Variants in CHIC2 observed in about 807,000 individuals in gnomAD.
CHIC2 encodes the protein cysteine rich hydrophobic domain 2.
Under a neutral mutation model 25.9 loss-of-function variants are expected in CHIC2, and 14 were observed. The observed-to-expected ratio is 0.54, with a 90% CI of 0.36 to 0.85. The LOEUF is 0.85. Ranked by LOEUF, CHIC2 falls within the 40% of genes least tolerant of loss-of-function variation. CHIC2 has a pLI of 0.01. For synonymous variants in CHIC2, 70 were observed against 72.0 expected (o/e 0.97, Z 0.14); for missense variants, 146 against 202.0 (o/e 0.72, Z 1.68).
chr4:54,043,826 G>C (rs1185914203), intron 3 of CHIC2, among the ~76,000 whole-genome samples: 1 of 152,110 alleles, frequency 6.6e-6, no homozygotes, highest in Non-Finnish European at 1.5e-5. Context: ...ATGTAAATGG[G>C]CTAAATGCTC....
chr4:54,061,034 T>C (rs1322409380), intron 1 of CHIC2: 1 of 152,122 alleles, frequency 6.6e-6, no homozygotes, highest in Non-Finnish European at 1.5e-5. Context: ...AATATTATAC[T>C]TAAACAGAAG....
At chr4:54,048,197 C>A (rs1210381573) in intron 3 of CHIC2, among the ~76,000 whole-genome samples, 1 of 152,150 alleles carries the variant, frequency 6.6e-6, no homozygotes, top group East Asian at 1.9e-4. Context: ...ACCATGTACG[C>A]CAGACTGGTC....
the CHIC2 span, among the ~76,000 whole-genome samples, chr4:54,080,755 CAA>C: frequency 3.1e-4 from 28 of 90,340 alleles, no homozygotes; most frequent in East Asian, 3.7e-4. Flanking sequence ...GACTCTGTCT[CAA>C]AAAAAAAAAA....
chr4:54,044,215 C>A (rs1206195267), intron 3 of CHIC2, among the ~76,000 whole-genome samples: 1 of 152,174 alleles, frequency 6.6e-6, no homozygotes, highest in East Asian at 1.9e-4. Context: ...GACTTTAACA[C>A]CCCACTGTCA....
intron 5 of CHIC2, among the ~76,000 whole-genome samples, chr4:54,012,796 G>A (rs1715633834): frequency 6.6e-6 from 1 of 152,046 alleles, no homozygotes; most frequent in Non-Finnish European, 1.5e-5. Flanking sequence ...TTGGTTCATT[G>A]AATAAAGCTA....
At chr4:54,056,277 A>T (rs928021765) in intron 1 of CHIC2, among the ~76,000 whole-genome samples, 2 of 152,150 alleles carry the variant, frequency 1.3e-5, no homozygotes, top group Non-Finnish European at 2.9e-5. Flanking sequence ...ATCTAACTTA[A>T]CAACTTTTAA....
chr4:54,072,506 G>A, the CHIC2 span, among the ~76,000 whole-genome samples: 7 of 152,088 alleles, frequency 4.6e-5, no homozygotes, highest in South Asian at 4.1e-4. Context: ...TGCATCACAC[G>A]GTACTTCCTT....
At chr4:54,039,826 A>G (rs1363293019) in intron 3 of CHIC2, among the ~76,000 whole-genome samples, 1 of 152,238 alleles carries the variant, frequency 6.6e-6, no homozygotes, top group Non-Finnish European at 1.5e-5. Flanking sequence ...AAACTGTGAT[A>G]CATCCATACA....
At chr4:54,019,778 GTC>G (rs757036144) in intron 3 of CHIC2, among the ~76,000 whole-genome samples, 5 of 151,926 alleles carry the variant, frequency 3.3e-5, no homozygotes, top group Non-Finnish European at 7.4e-5. Context: ...ATCCCACTCG[GTC>G]TCAAAGGGTT....
chr4:54,037,102 C>A (rs1474615029), intron 3 of CHIC2, among the ~76,000 whole-genome samples: 2 of 152,132 alleles, frequency 1.3e-5, no homozygotes, highest in Non-Finnish European at 2.9e-5. Flanking sequence ...CGGAGGCTCA[C>A]ACCTGTAATC....
At chr4:54,041,228 T>A (rs1295781931) in intron 3 of CHIC2, among the ~76,000 whole-genome samples, 2 of 151,830 alleles carry the variant, frequency 1.3e-5, no homozygotes, top group Non-Finnish European at 2.9e-5. Flanking sequence ...GTAAAAGCAC[T>A]GAGCTGCATA....
At chr4:54,059,610 A>AG (rs1468192730) in intron 1 of CHIC2, 2 of 151,982 alleles carry the variant, frequency 1.3e-5, no homozygotes, top group African/African-American at 4.8e-5. Flanking sequence ...CCTTAATTTG[A>AG]TAATTTCCTC....
intron 3 of CHIC2, among the ~76,000 whole-genome samples, chr4:54,041,089 T>C (rs1005453842): frequency 4.6e-5 from 7 of 151,432 alleles, no homozygotes; most frequent in African/African-American, 1.2e-4. Flanking sequence ...CTAATTTTTA[T>C]ATTTTTAGTA....
intron 3 of CHIC2, among the ~76,000 whole-genome samples, chr4:54,016,907 T>C (rs973976784): frequency 6.3e-5 from 9 of 143,288 alleles, no homozygotes; most frequent in Non-Finnish European, 6.2e-5. Context: ...TCAAATTAAA[T>C]AGAAAAAAAA....
chr4:54,037,964 C>T (rs1322675074), intron 3 of CHIC2, among the ~76,000 whole-genome samples: 1 of 151,912 alleles, frequency 6.6e-6, no homozygotes, highest in Non-Finnish European at 1.5e-5. Context: ...TGACTTCTAC[C>T]TTAAGAAACT....
At chr4:54,070,503 A>C in the CHIC2 span, among the ~76,000 whole-genome samples, 3 of 151,774 alleles carry the variant, frequency 2.0e-5, no homozygotes, top group Admixed American at 2.0e-4. Flanking sequence ...GCTCACTACA[A>C]CCTCCACCTC....
At chr4:54,017,505 G>C (rs1329996703) in intron 3 of CHIC2, among the ~76,000 whole-genome samples, 1 of 152,182 alleles carries the variant, frequency 6.6e-6, no homozygotes, top group African/African-American at 2.4e-5. Flanking sequence ...GCAGGCTTTA[G>C]TGTAAGCTTC....
chr4:54,009,910 T>C lies in CHIC2; in HGVS notation c.*185A>G. Reference sequence around the variant, plus strand: ...ATTAAACATCTGTATGAAATAACTGTTGCAAAGATTGACAAAAATGCACAC... The same window carrying C: ...ATTAAACATCTGTATGAAATAACTGCTGCAAAGATTGACAAAAATGCACAC... On this transcript the variant is annotated 3_prime_UTR_variant, in exon 6 of 6. Transcript: ENST00000263921. The C allele has an allele frequency of 6.8e-6, 3 of 438,464 alleles. No homozygotes were observed. Among genetic ancestry groups the C allele is most frequent in the Admixed American group, 8.1e-5 (2 of 24,592 alleles). 27.2% of individuals were successfully genotyped at this position (438,464 alleles called of 1,614,324 possible).
intron 1 of CHIC2, among the ~76,000 whole-genome samples, chr4:54,050,533 AC>A (rs773312456): frequency 2.6e-5 from 4 of 152,026 alleles, no homozygotes; most frequent in Non-Finnish European, 5.9e-5. Context: ...AACAAAACAA[AC>A]CTTAAATACA....
Sources: gnomAD v4.1 joint callset for allele counts (sites outside exome capture counted in the v4.1 genomes callset) on GRCh38, gnomAD v4.1.1 for gene constraint, MANE v1.5 for transcripts, NCBI Gene and HGNC (gene_info 2026-07-23, HGNC 2026-07-21) for gene names.